RAPGEF6: variants seen among roughly 807,000 people sequenced by gnomAD.
The protein encoded by RAPGEF6 is Rap guanine nucleotide exchange factor 6, also known as PDZ domain containing guanine nucleotide exchange factor (GEF) 2.
RAPGEF6 carries 56 observed loss-of-function variants against 171.4 expected under a neutral mutation model. The ratio of observed to expected loss-of-function variants is 0.33; its 90% CI spans 0.26 to 0.41. The LOEUF (loss-of-function observed/expected upper bound fraction) is 0.41, where lower values mean the gene tolerates loss of function less well. Ranked by LOEUF, RAPGEF6 falls within the 10% of genes least tolerant of loss-of-function variation. RAPGEF6 has a pLI of 1.00. For synonymous variants in RAPGEF6, 692 were observed against 650.1 expected, an observed-to-expected ratio of 1.06 and a Z score of -0.98; for missense variants, 1,674 against 1,921.4, an observed-to-expected ratio of 0.87 and a Z score of 2.41.
At position 131,582,500 on chromosome 5, in the gene RAPGEF6, G is replaced by GA. The variant is rs530683198; in HGVS notation, c.281+9882dup. 5.5e-3 allele frequency among the ~76,000 whole-genome samples: 833 copies of GA among 150,776 alleles called. 30 individuals are homozygous for GA. Among genetic ancestry groups the GA allele is most frequent in the Admixed American group, 0.044 (667 of 15,152 alleles). Reference sequence around the variant, plus strand: ...AAAAGCTAAAACTGTAAAACTTCCAGAAAAAAAAATTAAGAAAATTATTTG... The same window carrying GA: ...AAAAGCTAAAACTGTAAAACTTCCAGAAAAAAAAAATTAAGAAAATTATTTG... On this transcript the variant is annotated intron_variant, in intron 4 of 27. Transcript: ENST00000509018.
At chr5:131,546,892 A>AT (rs1760580472) in intron 6 of RAPGEF6, among the ~76,000 whole-genome samples, 1 of 152,228 alleles carries the variant, frequency 6.6e-6, no homozygotes, top group South Asian at 2.1e-4. Context: ...AAATAGTTAT[A>AT]TAACTGTGTA....
Position 131,602,016 on chromosome 5 carries a change from CAG to C in RAPGEF6, c.197+1253_197+1254del, listed in dbSNP as rs1455187778. On this transcript the variant is annotated intron_variant, in intron 3 of 27. Transcript: ENST00000509018. ...TGCCAGTGTACTCCAGCCTGGGCGA[CAG>C]AGCGAGACTCCGTCTCAAAAAAAAA... Among the ~76,000 whole-genome samples, 37 of 135,532 alleles carry C rather than the reference CAG, an allele frequency of 2.7e-4. 1 individual carries two copies. In the Admixed American group the frequency reaches 3.1e-3, roughly 11 times the overall value. The allele number at this position is 135,532 out of a possible 152,430, so 88.9% of individuals were successfully genotyped here.
chr5:131,438,945 C>T (rs1414541999), intron 24 of RAPGEF6, among the ~76,000 whole-genome samples: 1 of 151,876 alleles, frequency 6.6e-6, no homozygotes, highest in African/African-American at 2.4e-5. Context: ...TTTTTTGAGA[C>T]AGGGTCTTGC....
chr5:131,623,497 T>TTTTTG (rs1765717089), intron 1 of RAPGEF6, among the ~76,000 whole-genome samples: 1 of 150,476 alleles, frequency 6.6e-6, no homozygotes, highest in African/African-American at 2.5e-5. Context: ...TTTTTTTTTT[T>TTTTTG]TGTGAGACAG....
At chr5:131,596,231 A>G (rs1166777005) in intron 3 of RAPGEF6, among the ~76,000 whole-genome samples, 11 of 90,726 alleles carry the variant, frequency 1.2e-4, no homozygotes, top group African/African-American at 2.8e-4. Context: ...AGGAGTAGCC[A>G]TGCTTACTTT....
chr5:131,482,368 C>T (rs244735), intron 15 of RAPGEF6, among the ~76,000 whole-genome samples: 96,704 of 151,994 alleles, frequency 0.64, 32,580 homozygotes, highest in Non-Finnish European at 0.77. Context: ...AGGCTGGAGA[C>T]CATAGCTCAC....
At chr5:131,468,056 A>G (rs1196671579) in intron 17 of RAPGEF6, among the ~76,000 whole-genome samples, 1 of 151,296 alleles carries the variant, frequency 6.6e-6, no homozygotes, top group Non-Finnish European at 1.5e-5. Flanking sequence ...GGTCGGGCGC[A>G]GTGGCTTATG....
intron 4 of RAPGEF6, among the ~76,000 whole-genome samples, chr5:131,584,035 C>A (rs1763110678): frequency 6.6e-6 from 1 of 152,074 alleles, no homozygotes; most frequent in Admixed American, 6.6e-5. Flanking sequence ...AGGAAGGGAG[C>A]AGGGAACTAT....
chr5:131,459,370 A>G (rs1027519182), intron 19 of RAPGEF6, among the ~76,000 whole-genome samples: 1 of 152,210 alleles, frequency 6.6e-6, no homozygotes, highest in Non-Finnish European at 1.5e-5. Flanking sequence ...AGCTCATTGA[A>G]TACTCTTAAC....
chr5:131,436,652 A>G (rs1580820744), intron 24 of RAPGEF6, among the ~76,000 whole-genome samples: 5 of 152,352 alleles, frequency 3.3e-5, no homozygotes, highest in Admixed American at 3.3e-4. Context: ...AAAACTGTTG[A>G]AAGGAAGCCA....
At chr5:131,441,860 G>T (rs559932062) in intron 23 of RAPGEF6, among the ~76,000 whole-genome samples, 3 of 151,958 alleles carry the variant, frequency 2.0e-5, no homozygotes, top group African/African-American at 7.3e-5. Flanking sequence ...ACAAATAAAA[G>T]TAATATGAAT....
chr5:131,622,037 GCTTA>G (rs1245777789), intron 1 of RAPGEF6, among the ~76,000 whole-genome samples: 2 of 152,110 alleles, frequency 1.3e-5, no homozygotes. Flanking sequence ...ATGAAACAGT[GCTTA>G]CTTAATATTT....
chr5:131,479,150 C>T (rs1052821359), intron 16 of RAPGEF6, among the ~76,000 whole-genome samples: 2 of 150,744 alleles, frequency 1.3e-5, no homozygotes, highest in African/African-American at 2.4e-5. Flanking sequence ...ATAAATGGTG[C>T]TGCAAAGGAA....
intron 13 of RAPGEF6, among the ~76,000 whole-genome samples, chr5:131,494,885 A>G (rs148829552): frequency 7.4e-4 from 113 of 152,332 alleles, no homozygotes; most frequent in South Asian, 6.4e-3. Context: ...AGGTGACTTT[A>G]GCAACTGACT....
At chr5:131,450,412 T>C (rs1295366667) in intron 21 of RAPGEF6, among the ~76,000 whole-genome samples, 1 of 152,106 alleles carries the variant, frequency 6.6e-6, no homozygotes, top group Non-Finnish European at 1.5e-5. Flanking sequence ...AGGAATAGAA[T>C]TTCTGAACAT....
intron 18 of RAPGEF6, 145 bp downstream of exon 18, chr5:131,463,896 T>A: frequency 7.2e-7 from 1 of 1,390,140 alleles, no homozygotes; most frequent in South Asian, 1.9e-5. Context: ...TTAGCAGGAG[T>A]GACAAGATAT....
At chr5:131,606,354 C>T (rs1461019447) in intron 1 of RAPGEF6, among the ~76,000 whole-genome samples, 2 of 124,988 alleles carry the variant, frequency 1.6e-5, no homozygotes, top group Non-Finnish European at 3.3e-5. Context: ...ATTGAGACTC[C>T]ATCTCAAGGG....
chr5:131,566,207 A>G (rs1250428517), intron 4 of RAPGEF6, among the ~76,000 whole-genome samples: 1 of 151,826 alleles, frequency 6.6e-6, no homozygotes, highest in African/African-American at 2.4e-5. Flanking sequence ...AAACTAAAAT[A>G]TAATAATAAA....
intron 4 of RAPGEF6, among the ~76,000 whole-genome samples, chr5:131,579,754 T>C (rs534403511): frequency 6.6e-6 from 1 of 152,284 alleles, no homozygotes; most frequent in East Asian, 1.9e-4. Flanking sequence ...TTACAAACCT[T>C]TAGCTAGACA....
Sources: gnomAD v4.1 joint callset for allele counts (sites outside exome capture counted in the v4.1 genomes callset) on GRCh38, gnomAD v4.1.1 for gene constraint, MANE v1.5 for transcripts, NCBI Gene and HGNC (gene_info 2026-07-23, HGNC 2026-07-21) for gene names.